The following ODAD4 variants were observed in gnomAD, a reference collection of about 807,000 sequenced individuals.
The protein encoded by ODAD4 is outer dynein arm docking complex subunit 4.
A neutral mutation model predicts 51.8 loss-of-function variants in ODAD4; 49 were observed. The observed-to-expected ratio is 0.95, with a 90% CI of 0.75 to 1.20. The LOEUF is 1.20. Ranked by LOEUF, ODAD4 falls within the 50% of genes most tolerant of loss-of-function variation. The pLI, the probability that ODAD4 is intolerant of heterozygous loss-of-function variation, is 0.00. For synonymous variants in ODAD4, 235 were observed against 221.3 expected (o/e 1.06, Z -0.55); for missense variants, 590 against 586.5 (o/e 1.01, Z -0.06).
At chr17:41,963,632 CTTTTCTTTCTTTTTTTTTT>C (rs1414199920) in intron 11 of ODAD4, among the ~76,000 whole-genome samples, 1 of 151,118 alleles carries the variant, frequency 6.6e-6, no homozygotes, top group African/African-American at 2.4e-5. Context: ...TGTGTGATTT[CTTTTCTTTCTTTTTTTTTT>C]TTTTTGAAAC....
chr17:41,940,197 A>T (rs943654157), intron 7 of ODAD4, among the ~76,000 whole-genome samples: 1 of 152,104 alleles, frequency 6.6e-6, no homozygotes, highest in Non-Finnish European at 1.5e-5. Flanking sequence ...CACAGTGCCC[A>T]GCCCTCAGCC....
intron 10 of ODAD4, among the ~76,000 whole-genome samples, chr17:41,960,577 A>G (rs1225394625): frequency 6.6e-6 from 1 of 152,236 alleles, no homozygotes; most frequent in Non-Finnish European, 1.5e-5. Context: ...GCTTTCCAAC[A>G]AGGAGGATCT....
intron 9 of ODAD4, among the ~76,000 whole-genome samples, chr17:41,952,218 A>C (rs1324151376): frequency 6.6e-6 from 1 of 151,590 alleles, no homozygotes; most frequent in Admixed American, 6.6e-5. Flanking sequence ...AATCCAAAAA[A>C]TTAGCCGGGC....
intron 9 of ODAD4, among the ~76,000 whole-genome samples, chr17:41,951,006 G>A (rs1197058441): frequency 3.3e-5 from 5 of 151,978 alleles, no homozygotes; most frequent in African/African-American, 9.7e-5. Context: ...CACTGCACCC[G>A]GCCTCCAAGG....
intron 10 of ODAD4, among the ~76,000 whole-genome samples, chr17:41,957,280 G>C (rs1481585973): frequency 6.6e-6 from 1 of 152,096 alleles, no homozygotes; most frequent in African/African-American, 2.4e-5. Flanking sequence ...ATGGACCGGT[G>C]GTGGGGGAAA....
chr17:41,963,231 G>A (rs1292350891), intron 11 of ODAD4, among the ~76,000 whole-genome samples: 1 of 152,144 alleles, frequency 6.6e-6, no homozygotes, highest in Non-Finnish European at 1.5e-5. Context: ...AGATACCTCA[G>A]TAACTAGTGG....
intron 7 of ODAD4, among the ~76,000 whole-genome samples, chr17:41,941,834 C>T (rs1372126393): frequency 1.3e-5 from 2 of 151,918 alleles, no homozygotes; most frequent in African/African-American, 4.8e-5. Context: ...AATCCCTCCC[C>T]TAGGCTCCCT....
intron 7 of ODAD4, among the ~76,000 whole-genome samples, chr17:41,943,132 G>A (rs376818478): frequency 6.6e-6 from 1 of 152,088 alleles, no homozygotes; most frequent in African/African-American, 2.4e-5. Flanking sequence ...CCCACTTCCC[G>A]TCACTTCCCA....
intron 9 of ODAD4, among the ~76,000 whole-genome samples, chr17:41,951,180 G>A (rs1016041249): frequency 6.6e-6 from 1 of 151,004 alleles, no homozygotes; most frequent in African/African-American, 2.4e-5. Flanking sequence ...CGCCTCCCGT[G>A]TTCAAGCTAT....
At chr17:41,960,932 A>T (rs1269591745) in intron 10 of ODAD4, among the ~76,000 whole-genome samples, 1 of 152,158 alleles carries the variant, frequency 6.6e-6, no homozygotes, top group African/African-American at 2.4e-5. Context: ...CGAGTTGGGG[A>T]AACTGCAGAC....
At position 41,935,321 on chromosome 17, in the gene ODAD4, G is replaced by A. The variant is rs377117826; in HGVS notation, c.219G>A (p.Ser73=). The A allele has an allele frequency of 4.5e-5, 72 of 1,613,756 alleles. No individual in the cohort carries two copies. Among genetic ancestry groups the A allele is most frequent in the South Asian group, 4.2e-4 (38 of 91,058 alleles). The change falls in exon 2 of 12, where the codon TCG becomes TCA. Residue 73 remains serine, a synonymous_variant. Coordinates refer to ENST00000377540, the MANE Select transcript of ODAD4 (RefSeq NM_031421.5). ...GATCCCTGAAGGATGCTGAGGCTTC[G>A]CTCCAGAGTGACCCAGCTTTCTGTA... is the stretch of plus-strand genomic sequence containing the variant. The part of the protein sequence containing the change: ...LERSLKDAEA[S]LQSDPAFCKG...
At chr17:41,945,620 C>T (rs1029479308) in intron 8 of ODAD4, among the ~76,000 whole-genome samples, 5 of 152,072 alleles carry the variant, frequency 3.3e-5, no homozygotes, top group East Asian at 3.9e-4. Context: ...AAAGCTAGGC[C>T]GGGCGCAGTG....
At chr17:41,950,131 G>A (rs1332777194) in intron 9 of ODAD4, among the ~76,000 whole-genome samples, 7 of 151,418 alleles carry the variant, frequency 4.6e-5, no homozygotes, top group Admixed American at 3.3e-4. Context: ...CACCACACCC[G>A]GCTAATTTTT....
chr17:41,939,815 G>A (rs530775968), intron 7 of ODAD4, among the ~76,000 whole-genome samples: 1 of 152,294 alleles, frequency 6.6e-6, no homozygotes, highest in Non-Finnish European at 1.5e-5. Flanking sequence ...AAGAGCACGG[G>A]CTGTGGAGTC....
chr17:41,959,860 A>G (rs2050781528), intron 10 of ODAD4, among the ~76,000 whole-genome samples: 1 of 152,078 alleles, frequency 6.6e-6, no homozygotes, highest in South Asian at 2.1e-4. Flanking sequence ...CTGCCCTCTC[A>G]TGGCGGAGAA....
At position 41,961,411 on chromosome 17, in the gene ODAD4, C is replaced by T. The variant is rs2050804284; in HGVS notation, c.1473C>T (p.Ile491=). ...SALDDANKGI[I]RELRKTNYVE... ...TGGACGATGCCAACAAGGGTATCAT[C>T]AGAGAACTGAGGAAAACCAACTACG... is the stretch of plus-strand genomic sequence containing the variant. The change falls in exon 11 of 12, where the codon ATC becomes ATT. Residue 491 remains isoleucine, a synonymous_variant. Transcript: ENST00000377540. 1.3e-6 allele frequency: 1 copy of T among 746,578 alleles called. No individual in the cohort carries two copies. Among genetic ancestry groups the T allele is most frequent in the African/African-American group, 1.7e-5 (1 of 58,234 alleles). 46.2% of individuals were successfully genotyped at this position (746,578 alleles called of 1,614,324 possible).
At chr17:41,944,444 A>ACACACACACAC (rs1191101800) in intron 7 of ODAD4, among the ~76,000 whole-genome samples, 80 of 19,534 alleles carry the variant, frequency 4.1e-3, no homozygotes, top group Non-Finnish European at 5.5e-3. Flanking sequence ...ACACACACAC[A>ACACACACACAC]CCCCCCCGCA....
intron 8 of ODAD4, among the ~76,000 whole-genome samples, chr17:41,948,861 C>T (rs1445543687): frequency 1.3e-5 from 2 of 152,096 alleles, no homozygotes; most frequent in Admixed American, 6.6e-5. Flanking sequence ...AGGCTGATCT[C>T]GAACTCCTGA....
At chr17:41,958,878 A>T (rs1334833666) in intron 10 of ODAD4, among the ~76,000 whole-genome samples, 1 of 146,116 alleles carries the variant, frequency 6.8e-6, no homozygotes, top group East Asian at 2.1e-4. Context: ...GCCAGGTGTG[A>T]TGGCACACTC....
Sources: gnomAD v4.1 joint callset for allele counts (sites outside exome capture counted in the v4.1 genomes callset) on GRCh38, gnomAD v4.1.1 for gene constraint, MANE v1.5 for transcripts, NCBI Gene and HGNC (gene_info 2026-07-23, HGNC 2026-07-21) for gene names.